Variants in KCNH8 observed in about 807,000 individuals in gnomAD.
KCNH8 encodes the protein potassium voltage-gated channel subfamily H member 8.
Under a neutral mutation model 103.6 loss-of-function variants are expected in KCNH8, and 70 were observed. That is an observed-to-expected ratio of 0.68 (90% CI 0.56 to 0.82). The LOEUF is 0.82. Among genes scored for constraint, KCNH8 ranks in the 40% least tolerant of loss-of-function variants. The pLI, the probability that KCNH8 is intolerant of heterozygous loss-of-function variation, is 0.00. For missense variants in KCNH8, 1,217 were observed against 1,329.9 expected, an observed-to-expected ratio of 0.92 and a Z score of 1.32; for synonymous variants, 498 against 489.4, an observed-to-expected ratio of 1.02 and a Z score of -0.23.
chr3:19,283,933 C>A (rs1198852563), intron 3 of KCNH8, among the ~76,000 whole-genome samples: 3 of 145,116 alleles, frequency 2.1e-5, no homozygotes, highest in Non-Finnish European at 4.5e-5. Flanking sequence ...CAGAGTGAGA[C>A]CCTGTCTCAA....
At position 19,534,997 on chromosome 3, in the gene KCNH8, G is replaced by A. The variant is rs2069242024; in HGVS notation, c.*898G>A. ...GTGTCAACTACATGAGCTTTGGCATGGGGATAGAGAGGCTCCATCTAGGCT... is the reference window on the plus strand; with the variant it reads ...GTGTCAACTACATGAGCTTTGGCATAGGGATAGAGAGGCTCCATCTAGGCT... On this transcript the variant is annotated 3_prime_UTR_variant, in exon 16 of 16. Coordinates refer to ENST00000328405, the MANE Select transcript of KCNH8 (RefSeq NM_144633.3). The A allele has an allele frequency of 6.6e-6, 1 of 152,190 alleles. No homozygotes were observed. The highest frequency in any genetic ancestry group is 1.9e-4 in the East Asian group (1 of 5,192). The allele number at this position is 152,190 out of a possible 1,614,324, so 9.4% of individuals were successfully genotyped here.
chr3:19,276,156 C>T (rs905576905), intron 2 of KCNH8, among the ~76,000 whole-genome samples: 1 of 149,048 alleles, frequency 6.7e-6, no homozygotes, highest in Non-Finnish European at 1.5e-5. Flanking sequence ...TCTTTCCCCA[C>T]TCCCACCCCA....
intron 11 of KCNH8, among the ~76,000 whole-genome samples, chr3:19,473,211 C>T (rs1199451887): frequency 6.6e-6 from 1 of 152,226 alleles, no homozygotes; most frequent in Non-Finnish European, 1.5e-5. Context: ...GGTTAGTCTT[C>T]TTCTGATTTA....
rs138407554 is a variant in KCNH8, at chr3:19,395,085, GCT to G, written c.970-16_970-15del. On this transcript the variant is annotated splice_polypyrimidine_tract_variant and intron_variant, in intron 6 of 15. Coordinates refer to ENST00000328405, the MANE Select transcript of KCNH8 (RefSeq NM_144633.3). Reference sequence around the variant, plus strand: ...TTTAACACATGCACCAAGTTGTGCTGCTCTGTCTCTTACCACAGGTGTCTCTC... The same window carrying G: ...TTTAACACATGCACCAAGTTGTGCTGCTGTCTCTTACCACAGGTGTCTCTC... 15,559 of 1,593,200 alleles carry G rather than the reference GCT, an allele frequency of 9.8e-3. 90 individuals carry two copies. The highest frequency in any genetic ancestry group is 0.011 in the Non-Finnish European group (13,248 of 1,162,904).
intron 5 of KCNH8, among the ~76,000 whole-genome samples, chr3:19,388,025 GTCA>G (rs2066382547): frequency 6.6e-6 from 1 of 151,650 alleles, no homozygotes; most frequent in Non-Finnish European, 1.5e-5. Context: ...TGCTGTATCA[GTCA>G]ACCATAGGTC....
intron 8 of KCNH8, among the ~76,000 whole-genome samples, chr3:19,448,657 C>A (rs1405245950): frequency 6.6e-6 from 1 of 151,930 alleles, no homozygotes; most frequent in Non-Finnish European, 1.5e-5. Flanking sequence ...CCAATGTATC[C>A]ATTATGATGC....
intron 1 of KCNH8, among the ~76,000 whole-genome samples, chr3:19,249,433 A>G (rs989263263): frequency 4.6e-5 from 7 of 152,224 alleles, no homozygotes; most frequent in African/African-American, 1.7e-4. Flanking sequence ...AAATATAAAC[A>G]GAAAAGACCA....
chr3:19,421,420 G>A (rs2066949568), intron 7 of KCNH8, among the ~76,000 whole-genome samples: 1 of 152,078 alleles, frequency 6.6e-6, no homozygotes, highest in South Asian at 2.1e-4. Context: ...TAGAATGATA[G>A]CAACCTGTAT....
intron 2 of KCNH8, among the ~76,000 whole-genome samples, chr3:19,254,235 C>T (rs2054785174): frequency 1.3e-5 from 2 of 151,382 alleles, no homozygotes; most frequent in African/African-American, 2.4e-5. Context: ...AACTTTTATC[C>T]AGGAGTATTT....
At chr3:19,370,135 T>C (rs916398279) in intron 5 of KCNH8, among the ~76,000 whole-genome samples, 2 of 152,086 alleles carry the variant, frequency 1.3e-5, no homozygotes, top group Non-Finnish European at 2.9e-5. Context: ...AGTTCGCTTG[T>C]TATCTCTCGC....
At chr3:19,192,617 G>A (rs867816620) in intron 1 of KCNH8, among the ~76,000 whole-genome samples, 2 of 151,506 alleles carry the variant, frequency 1.3e-5, no homozygotes, top group South Asian at 4.2e-4. Flanking sequence ...AAAGGTATTT[G>A]GGAAACGAGG....
chr3:19,254,370 G>C (rs937116406), intron 2 of KCNH8, among the ~76,000 whole-genome samples: 1 of 151,810 alleles, frequency 6.6e-6, no homozygotes, highest in East Asian at 1.9e-4. Context: ...TTTCTTTTCC[G>C]GTTACCTAGC....
At chr3:19,170,268 C>G (rs1363877996) in intron 1 of KCNH8, among the ~76,000 whole-genome samples, 2 of 152,052 alleles carry the variant, frequency 1.3e-5, no homozygotes, top group Non-Finnish European at 2.9e-5. Context: ...CTTAACAGTT[C>G]CCTAAGCTCT....
In KCNH8 at chr3:19,369,512, C is replaced by G. The variant is rs182236210; in HGVS notation, c.812-20969C>G. 7.0e-4 allele frequency among the ~76,000 whole-genome samples: 106 copies of G among 152,120 alleles called. 1 individual carries two copies. The highest frequency in any genetic ancestry group is 2.5e-3 in the African/African-American group (102 of 41,540). On this transcript the variant is annotated intron_variant, in intron 5 of 15. Transcript: ENST00000328405. The stretch of plus-strand genomic sequence containing the variant: ...TCATCATGGGAGATTGTTTCGCCAC[C>G]TAGCATTTCAATGTTGGTGGCCCCC...
chr3:19,336,239 TATTAAC>T (rs2065583501), intron 3 of KCNH8, among the ~76,000 whole-genome samples: 1 of 151,824 alleles, frequency 6.6e-6, no homozygotes, highest in South Asian at 2.1e-4. Flanking sequence ...CAAATATGCC[TATTAAC>T]ATTATTTCTT....
At chr3:19,358,718 G>GAT (rs1395015767) in intron 5 of KCNH8, among the ~76,000 whole-genome samples, 2 of 151,870 alleles carry the variant, frequency 1.3e-5, no homozygotes, top group Non-Finnish European at 2.9e-5. Flanking sequence ...TCTAAACAGT[G>GAT]ATGACCATAT....
chr3:19,396,340 T>C (rs991823037), intron 7 of KCNH8, among the ~76,000 whole-genome samples: 2 of 151,976 alleles, frequency 1.3e-5, no homozygotes, highest in African/African-American at 2.4e-5. Flanking sequence ...TCTCTCAGCA[T>C]AGGACATATA....
At chr3:19,265,436 A>C (rs543095582) in intron 2 of KCNH8, among the ~76,000 whole-genome samples, 1 of 152,092 alleles carries the variant, frequency 6.6e-6, no homozygotes, top group Non-Finnish European at 1.5e-5. Flanking sequence ...CCGCATGCCC[A>C]TGAGGGTGGC....
At chr3:19,424,796 C>A (rs1378584852) in intron 7 of KCNH8, among the ~76,000 whole-genome samples, 1 of 151,970 alleles carries the variant, frequency 6.6e-6, no homozygotes, top group Non-Finnish European at 1.5e-5. Context: ...CATGAATAGA[C>A]CGTTCTCAAA....
Sources: allele counts gnomAD v4.1 joint callset (sites outside exome capture counted in the v4.1 genomes callset), GRCh38; gene constraint gnomAD v4.1.1; transcripts MANE v1.5; gene names NCBI Gene and HGNC (gene_info 2026-07-23, HGNC 2026-07-21).